Variants in CELF2 observed in about 807,000 individuals in gnomAD.
The protein encoded by CELF2 is CUGBP Elav-like family member 2, also known as CUG triplet repeat RNA-binding protein 2.
Under a neutral mutation model 62.6 loss-of-function variants are expected in CELF2, and 8 were observed. That is an observed-to-expected ratio of 0.13 (90% confidence interval 0.07 to 0.23). CELF2 has a LOEUF of 0.23. Among genes scored for constraint, CELF2 ranks in the 10% least tolerant of loss-of-function variants. CELF2 has a pLI of 1.00. For missense variants in CELF2, 333 were observed against 671.0 expected (o/e 0.50, Z 5.56); for synonymous variants, 258 against 250.0 (o/e 1.03, Z -0.30).
rs191083711 is a variant in CELF2 at position 10,822,959 on chromosome 10, G to T, written c.53+24142G>T. Among the ~76,000 whole-genome samples the T allele has an allele frequency of 1.8e-3, 269 of 152,172 alleles. 1 individual carries two copies. The highest frequency in any genetic ancestry group is 6.0e-3 in the African/African-American group (250 of 41,518). Reference sequence around the variant, plus strand: ...TCTAAAATTTTCATTTGTGAGGCAAGGTTAAATTCATTAGATAAATCCAAA... The same window carrying T: ...TCTAAAATTTTCATTTGTGAGGCAATGTTAAATTCATTAGATAAATCCAAA... On this transcript the variant is annotated intron_variant, in intron 1 of 13. Transcript: ENST00000636488.
chr10:10,988,777 G>A (rs917315251), intron 2 of CELF2, among the ~76,000 whole-genome samples: 3 of 152,082 alleles, frequency 2.0e-5, no homozygotes, highest in Admixed American at 6.6e-5. Flanking sequence ...ATCTTAAACC[G>A]ATAGTTGGGT....
chr10:10,792,549 A>G, the CELF2 span: 2,967 of 397,588 alleles, frequency 7.5e-3, 83 homozygotes, highest in African/African-American at 0.055. Flanking sequence ...CACAAAAACC[A>G]GAACAATCTA....
At chr10:10,471,008 CT>C in the CELF2 span, among the ~76,000 whole-genome samples, 3 of 151,224 alleles carry the variant, frequency 2.0e-5, no homozygotes, top group African/African-American at 7.3e-5. Flanking sequence ...TATGAAATTG[CT>C]TTTTTTCATT....
chr10:10,818,733 T>C (rs558949589), intron 1 of CELF2, among the ~76,000 whole-genome samples: 2 of 152,086 alleles, frequency 1.3e-5, no homozygotes, highest in Admixed American at 6.6e-5. Flanking sequence ...GCTGCCATCA[T>C]GCCTGGCCAA....
At position 11,314,342 on chromosome 10, in the gene CELF2, C is replaced by A; in HGVS notation, c.1096+84C>A. ...CAGAAAGTGGTCAGCCAGAAATGAC[C>A]CGAAAAAGGATATGCCACGGGGAGA... On this transcript the variant is annotated intron_variant, in intron 10 of 12. Coordinates refer to ENST00000633077, the MANE Select transcript of CELF2 (RefSeq NM_001326342.2). The surrounding 1 kb of genome is among the most constrained non-coding windows in gnomAD (Gnocchi z 5.3). 1 of 1,584,234 alleles carries A rather than the reference C, an allele frequency of 6.3e-7. No homozygotes were observed. Among genetic ancestry groups the A allele is most frequent in the South Asian group, 1.1e-5 (1 of 90,150 alleles).
At chr10:10,567,128 T>C in the CELF2 span, among the ~76,000 whole-genome samples, 1 of 152,242 alleles carries the variant, frequency 6.6e-6, no homozygotes, top group Non-Finnish European at 1.5e-5. Context: ...GGTAGACTTC[T>C]TCTAAATAAT....
the CELF2 span, among the ~76,000 whole-genome samples, chr10:10,584,763 C>G: frequency 0.35 from 53,615 of 152,018 alleles, 10,255 homozygotes; most frequent in East Asian, 0.6. Context: ...TTCCCTGTCT[C>G]TGCTGTCCAA....
At chr10:10,851,118 A>C (rs1435295158) in intron 1 of CELF2, among the ~76,000 whole-genome samples, 1 of 152,138 alleles carries the variant, frequency 6.6e-6, no homozygotes, top group Admixed American at 6.6e-5. Context: ...AAACTGAGAC[A>C]TAGGTATTTT....
At chr10:11,016,799 G>A (rs775895187), upstream of CELF2, among the ~76,000 whole-genome samples, 2 of 152,300 alleles carry the variant, frequency 1.3e-5, no homozygotes, top group African/African-American at 2.4e-5. The surrounding 1 kb of genome is among the most constrained non-coding windows in gnomAD (Gnocchi z 5.2). Context: ...GTGTGTGTGC[G>A]TGTATGTTTG....
intron 1 of CELF2, among the ~76,000 whole-genome samples, chr10:10,890,692 A>G (rs1270864275): frequency 6.6e-6 from 1 of 152,210 alleles, no homozygotes; most frequent in African/African-American, 2.4e-5. Context: ...CCATTTCCAC[A>G]ACAGAGAAGA....
At chr10:10,585,986 A>C in the CELF2 span, among the ~76,000 whole-genome samples, 1 of 152,194 alleles carries the variant, frequency 6.6e-6, no homozygotes, top group Non-Finnish European at 1.5e-5. Context: ...TGCAACTCAC[A>C]TTTACTATTG....
intron 8 of CELF2, among the ~76,000 whole-genome samples, chr10:11,276,841 C>T (rs1176866794): frequency 6.6e-6 from 1 of 152,218 alleles, no homozygotes; most frequent in Non-Finnish European, 1.5e-5. Context: ...GATGCCAGCC[C>T]CTGCACGCTC....
At chr10:11,054,885 T>C (rs1391043530) in intron 1 of CELF2, among the ~76,000 whole-genome samples, 1 of 152,178 alleles carries the variant, frequency 6.6e-6, no homozygotes, top group Non-Finnish European at 1.5e-5. Flanking sequence ...CAGCTACTTA[T>C]TGTATTTTTA....
intron 2 of CELF2, among the ~76,000 whole-genome samples, chr10:10,963,803 G>T (rs1246674031): frequency 3.9e-5 from 6 of 152,136 alleles, no homozygotes; most frequent in Non-Finnish European, 7.4e-5. Context: ...TCCTGAAATT[G>T]TCAGTATGGC....
chr10:10,466,642 G>A, the CELF2 span, among the ~76,000 whole-genome samples: 127 of 152,218 alleles, frequency 8.3e-4, no homozygotes, highest in African/African-American at 2.9e-3. Context: ...TTCCAAAGTG[G>A]CTGTAACATT....
the CELF2 span, among the ~76,000 whole-genome samples, chr10:10,617,717 G>A: frequency 6.0e-5 from 9 of 148,966 alleles, no homozygotes; most frequent in Admixed American, 5.4e-4. Flanking sequence ...AAAGGGGGGG[G>A]AAATAGGTCC....
chr10:10,711,450 G>A, the CELF2 span, among the ~76,000 whole-genome samples: 813 of 152,294 alleles, frequency 5.3e-3, 22 homozygotes, highest in South Asian at 0.081. Flanking sequence ...TTGCATTTGA[G>A]TCCCTGGGGT....
Position 11,010,601 on chromosome 10 carries a change from C to G in CELF2, c.53+5161C>G, listed in dbSNP as rs1027189021. 6.6e-6 allele frequency among the ~76,000 whole-genome samples: 1 copy of G among 152,058 alleles called. No homozygotes were observed. Among genetic ancestry groups the G allele is most frequent in the Non-Finnish European group, 1.5e-5 (1 of 68,014 alleles). ...CATTTTAAAGATGAAAAACTGAGCC[C>G]GAGAGAGGTAAAGTCACAGGCCCAT... On this transcript the variant is annotated intron_variant, in intron 1 of 12. Coordinates refer to the CELF2 transcript ENST00000416382. The surrounding 1 kb of genome is among the most constrained non-coding windows in gnomAD (Gnocchi z 4.1).
chr10:10,696,160 G>C, the CELF2 span, among the ~76,000 whole-genome samples: 1 of 152,092 alleles, frequency 6.6e-6, no homozygotes, highest in Admixed American at 6.5e-5. Context: ...TTTGATGATG[G>C]TGATGTACAG....
Sources: gnomAD v4.1 joint callset for allele counts (sites outside exome capture counted in the v4.1 genomes callset) on GRCh38, gnomAD v4.1.1 for gene constraint, Gnocchi (gnomAD v3.1) non-coding constraint, MANE v1.5 for transcripts, NCBI Gene and HGNC (gene_info 2026-07-23, HGNC 2026-07-21) for gene names.